Variants in MEMO1 observed in about 807,000 individuals in gnomAD.
The protein encoded by MEMO1 is protein MEMO1.
In MEMO1, 6 loss-of-function variants were observed where a neutral mutation model predicts 45.2. The observed-to-expected ratio is 0.13, with a 90% CI of 0.07 to 0.26. MEMO1 has a LOEUF of 0.26. MEMO1 is among the 10% of genes least tolerant of loss of function. MEMO1 has a pLI of 1.00. For synonymous variants in MEMO1, 78 were observed against 124.3 expected (o/e 0.63, Z 2.48); for missense variants, 184 against 370.5 (o/e 0.50, Z 4.13).
intron 1 of MEMO1, chr2:32,010,620 T>G (rs1674784239): frequency 9.8e-6 from 1 of 101,700 alleles, no homozygotes; most frequent in Non-Finnish European, 2.0e-5. Flanking sequence ...CCCTCCCAGC[T>G]GGCCTCCCCG....
chr2:31,871,341 G>C (rs1317725414), intron 8 of MEMO1, among the ~76,000 whole-genome samples: 1 of 152,056 alleles, frequency 6.6e-6, no homozygotes, highest in Non-Finnish European at 1.5e-5. Flanking sequence ...AGAGTAATCA[G>C]ATAAACATCT....
At chr2:31,946,169 C>A (rs563045214) in intron 2 of MEMO1, among the ~76,000 whole-genome samples, 1 of 152,176 alleles carries the variant, frequency 6.6e-6, no homozygotes, top group Non-Finnish European at 1.5e-5. Flanking sequence ...GGTTCACATT[C>A]CCCTACGTCG....
intron 3 of MEMO1, among the ~76,000 whole-genome samples, chr2:31,933,543 T>C (rs1321755931): frequency 6.6e-6 from 1 of 151,520 alleles, no homozygotes; most frequent in Non-Finnish European, 1.5e-5. Flanking sequence ...GCTTTAAATG[T>C]ACACATTGGT....
At chr2:31,966,887 C>T (rs1572839682) in intron 2 of MEMO1, among the ~76,000 whole-genome samples, 1 of 152,024 alleles carries the variant, frequency 6.6e-6, no homozygotes, top group Non-Finnish European at 1.5e-5. Flanking sequence ...TGTCAAATTA[C>T]GAATACTTTG....
intron 6 of MEMO1, among the ~76,000 whole-genome samples, chr2:31,902,265 A>T (rs1204970237): frequency 6.6e-6 from 1 of 151,762 alleles, no homozygotes; most frequent in Non-Finnish European, 1.5e-5. Flanking sequence ...AAAAATAGTG[A>T]TGTGCACCTG....
At chr2:31,896,859 C>T (rs532502928) in intron 6 of MEMO1, among the ~76,000 whole-genome samples, 2 of 151,960 alleles carry the variant, frequency 1.3e-5, no homozygotes, top group East Asian at 3.9e-4. Context: ...ATAGATATTT[C>T]ACAAAAGAAG....
intron 2 of MEMO1, among the ~76,000 whole-genome samples, chr2:31,953,054 T>C (rs1156920484): frequency 6.6e-6 from 1 of 152,194 alleles, no homozygotes; most frequent in Non-Finnish European, 1.5e-5. Context: ...GTATCTATAC[T>C]TATAAAGCTT....
chr2:31,967,463 C>A (rs534839028), intron 2 of MEMO1, among the ~76,000 whole-genome samples: 52 of 151,546 alleles, frequency 3.4e-4, no homozygotes, highest in African/African-American at 9.9e-4. Context: ...ATAATTTTTT[C>A]TTTGAGACAG....
intron 2 of MEMO1, among the ~76,000 whole-genome samples, chr2:31,961,302 G>C (rs971480841): frequency 8.6e-5 from 13 of 151,922 alleles, no homozygotes; most frequent in African/African-American, 2.9e-4. Context: ...AGGTTGTAGT[G>C]AGCGAGATCA....
At chr2:31,972,893 C>T (rs1669574844) in intron 2 of MEMO1, among the ~76,000 whole-genome samples, 2 of 152,118 alleles carry the variant, frequency 1.3e-5, no homozygotes, top group African/African-American at 2.4e-5. Flanking sequence ...GACCAATAAG[C>T]ACATGAAAAG....
At chr2:31,979,687 C>T (rs1286965595) in intron 2 of MEMO1, among the ~76,000 whole-genome samples, 1 of 152,028 alleles carries the variant, frequency 6.6e-6, no homozygotes, top group Non-Finnish European at 1.5e-5. Context: ...TATTAAAAAA[C>T]TGTGAGTCTG....
chr2:31,953,231 T>C (rs934965763), intron 2 of MEMO1, among the ~76,000 whole-genome samples: 1 of 151,766 alleles, frequency 6.6e-6, no homozygotes, highest in Admixed American at 6.6e-5. Flanking sequence ...CTGGGCATGG[T>C]GGTCGCACAC....
chr2:31,977,229 A>G (rs960581568), intron 2 of MEMO1, among the ~76,000 whole-genome samples: 2 of 152,168 alleles, frequency 1.3e-5, no homozygotes, highest in African/African-American at 4.8e-5. Context: ...GGAAAGCTAG[A>G]ATAGCTGACC....
intron 3 of MEMO1, among the ~76,000 whole-genome samples, chr2:31,933,308 C>G (rs1437306319): frequency 1.1e-5 from 1 of 88,696 alleles, no homozygotes; most frequent in Non-Finnish European, 2.0e-5. Context: ...GAGCGAGATA[C>G]CACCTCTTTA....
intron 2 of MEMO1, among the ~76,000 whole-genome samples, chr2:31,953,995 ATCT>A (rs952465560): frequency 2.0e-5 from 3 of 152,238 alleles, no homozygotes; most frequent in Non-Finnish European, 4.4e-5. Flanking sequence ...AATCAAAGCC[ATCT>A]TAAATTCTAA....
chr2:31,992,747 G>A (rs1373483940), intron 2 of MEMO1, among the ~76,000 whole-genome samples: 1 of 152,076 alleles, frequency 6.6e-6, no homozygotes, highest in Non-Finnish European at 1.5e-5. Context: ...TCGTGCCACT[G>A]CACTCCAGCC....
chr2:31,983,904 G>A (rs1165933392), intron 2 of MEMO1, among the ~76,000 whole-genome samples: 2 of 152,198 alleles, frequency 1.3e-5, no homozygotes, highest in African/African-American at 2.4e-5. Flanking sequence ...AAAGGATTCA[G>A]GTACCAACCT....
At chr2:31,919,705 C>T (rs956601200) in intron 5 of MEMO1, among the ~76,000 whole-genome samples, 26 of 151,992 alleles carry the variant, frequency 1.7e-4, no homozygotes, top group Non-Finnish European at 2.9e-4. Context: ...TGCCTGTAGT[C>T]CTACCTACTT....
At chr2:31,883,780 T>C (rs1464557758) in intron 7 of MEMO1, among the ~76,000 whole-genome samples, 1 of 152,038 alleles carries the variant, frequency 6.6e-6, no homozygotes, top group Non-Finnish European at 1.5e-5. Flanking sequence ...TATCAGTCTA[T>C]ATTGGAAAGT....
Sources: gnomAD v4.1 joint callset for allele counts (sites outside exome capture counted in the v4.1 genomes callset) on GRCh38, gnomAD v4.1.1 for gene constraint, MANE v1.5 for transcripts, NCBI Gene and HGNC (gene_info 2026-07-23, HGNC 2026-07-21) for gene names.